The following CBX2 variants were observed in gnomAD, a reference collection of about 807,000 sequenced individuals.
CBX2 encodes the protein chromobox protein homolog 2.
In CBX2, 11 loss-of-function variants were observed where a neutral mutation model predicts 21.0. That is an observed-to-expected ratio of 0.52 (90% CI 0.33 to 0.87). The LOEUF is 0.87. CBX2 is among the 40% of genes least tolerant of loss of function. The pLI is 0.02. For missense variants in CBX2, 746 were observed against 724.3 expected, an observed-to-expected ratio of 1.03 and a Z score of -0.34; for synonymous variants, 364 against 304.6, an observed-to-expected ratio of 1.19 and a Z score of -2.03.
chr17:79,779,370 G>C lies in CBX2; in HGVS notation c.125G>C (p.Ser42Thr). The change falls in exon 3 of 5, where the codon AGC becomes ACC. Residue 42 changes from serine (S) to threonine (T), a missense_variant. Coordinates refer to ENST00000310942, the MANE Select transcript of CBX2 (RefSeq NM_005189.3). ...TGTCCTCTGCTTTGCAGACATAACAGCTGGGAGCCGGAGGAGAACATCCTG... is the reference window on the plus strand; with the variant it reads ...TGTCCTCTGCTTTGCAGACATAACACCTGGGAGCCGGAGGAGAACATCCTG... ...KWRGWSSKHNSWEPEENILDP... is the reference protein window; with the variant it reads ...KWRGWSSKHNTWEPEENILDP... 1.9e-6 allele frequency: 3 copies of C among 1,613,852 alleles called. No individual in the cohort carries two copies. Among genetic ancestry groups the C allele is most frequent in the East Asian group, 2.2e-5 (1 of 44,876 alleles).
rs1195409183 is a variant in CBX2, at chr17:79,785,789, G to A, written c.*747G>A. On this transcript the variant is annotated 3_prime_UTR_variant, in exon 5 of 5. Transcript: ENST00000310942. Reference sequence around the variant, plus strand: ...CCATAGCCCACAAGCCAGCGTGGGTGGGGCGGGGGTGGTCCCACAGCTGGG... The same window carrying A: ...CCATAGCCCACAAGCCAGCGTGGGTAGGGCGGGGGTGGTCCCACAGCTGGG... 5 of 152,498 alleles carry A rather than the reference G, an allele frequency of 3.3e-5. No individual in the cohort carries two copies. The highest frequency in any genetic ancestry group is 1.2e-4 in the African/African-American group (5 of 41,308). 9.4% of individuals were successfully genotyped at this position (152,498 alleles called of 1,614,324 possible).
upstream of CBX2, among the ~76,000 whole-genome samples, chr17:79,777,601 T>C (rs1200347091): frequency 6.6e-6 from 1 of 151,552 alleles, no homozygotes; most frequent in Non-Finnish European, 1.5e-5. Context: ...TTCCTTTCCT[T>C]CCCCAGCCCC....
At position 79,786,755 on chromosome 17, in the gene CBX2, C is replaced by T. The variant is rs1054058005; in HGVS notation, c.*1713C>T. 1 of 152,706 alleles carries T rather than the reference C, an allele frequency of 6.5e-6. No individual in the cohort carries two copies. Among genetic ancestry groups the T allele is most frequent in the Non-Finnish European group, 1.5e-5 (1 of 68,066 alleles). The allele number at this position is 152,706 out of a possible 1,614,324, so 9.5% of individuals were successfully genotyped here. A position where few individuals can be genotyped will look rare whatever the true frequency, so the allele number is the denominator to read the frequency against. ...AGGCACTCCTGATTCCATGGAGCAG[C>T]CCGGACTTTGAGAATGGGCTCTGGT... On this transcript the variant is annotated 3_prime_UTR_variant, in exon 5 of 5. Transcript: ENST00000310942.
chr17:79,781,156 G>A (rs1481958508), intron 3 of CBX2, among the ~76,000 whole-genome samples: 3 of 152,180 alleles, frequency 2.0e-5, no homozygotes, highest in Admixed American at 6.5e-5. Flanking sequence ...TTTAGGAACA[G>A]AGAGGTATTT....
intron 3 of CBX2, among the ~76,000 whole-genome samples, chr17:79,781,069 G>T (rs1368309249): frequency 1.3e-5 from 2 of 149,788 alleles, no homozygotes; most frequent in Non-Finnish European, 3.0e-5. Context: ...GGCGGGGGGG[G>T]TACTGCGAGT....
At position 79,786,903 on chromosome 17, in the gene CBX2, A is replaced by G. The variant is rs781016463; in HGVS notation, c.*1861A>G. ...ACAGTGTGCCTTTGGGGAGGGACCC[A>G]TGTCCATGGCTTCGTTGAGGGCCAT... On this transcript the variant is annotated 3_prime_UTR_variant, in exon 5 of 5. Coordinates refer to ENST00000310942, the MANE Select transcript of CBX2 (RefSeq NM_005189.3). 6.5e-6 allele frequency: 1 copy of G among 152,702 alleles called. No homozygotes were observed. The highest frequency in any genetic ancestry group is 6.5e-5 in the Admixed American group (1 of 15,286). 9.5% of individuals were successfully genotyped at this position (152,702 alleles called of 1,614,324 possible). A position where few individuals can be genotyped will look rare whatever the true frequency, so the allele number is the denominator to read the frequency against.
Position 79,778,692 on chromosome 17 carries a change from A to C in CBX2, c.116+265A>C, listed in dbSNP as rs1448955397. Reference sequence around the variant, plus strand: ...CGGCTGCCGCGCCGCGCTCCCCCCAACCCCCGTCCCGGCCGGGAGGGAGGC... The same window carrying C: ...CGGCTGCCGCGCCGCGCTCCCCCCACCCCCCGTCCCGGCCGGGAGGGAGGC... On this transcript the variant is annotated intron_variant, in intron 2 of 4. Coordinates refer to ENST00000310942, the MANE Select transcript of CBX2 (RefSeq NM_005189.3). This position sits in a 1 kb window ranked among gnomAD's most constrained non-coding sequence, Gnocchi z 4.8. Among the ~76,000 whole-genome samples the C allele has an allele frequency of 4.1e-5, 6 of 148,108 alleles. No individual in the cohort carries two copies. In the South Asian group the frequency reaches 1.3e-3, roughly 32 times the overall value.
At chr17:79,782,686 T>C (rs9896066) in intron 4 of CBX2, among the ~76,000 whole-genome samples, 8,057 of 152,098 alleles carry the variant, frequency 0.053, 763 homozygotes, top group African/African-American at 0.18. Flanking sequence ...TTGAGCAGGA[T>C]TGTGGGGGCT....
At chr17:79,782,228 C>T (rs1907278964) in intron 4 of CBX2, 2 of 1,595,518 alleles carry the variant, frequency 1.3e-6, no homozygotes, top group Non-Finnish European at 1.7e-6. Flanking sequence ...TGCGGGTGCA[C>T]CTTAAATCGA....
chr17:79,782,809 CG>C (rs1907333564), intron 4 of CBX2, among the ~76,000 whole-genome samples: 1 of 152,072 alleles, frequency 6.6e-6, no homozygotes, highest in African/African-American at 2.4e-5. Context: ...GGTAGGGAGG[CG>C]GTGTTGGATC....
chr17:79,783,799 C>G lies in CBX2; in HGVS notation c.356C>G (p.Ser119Cys). The G allele has an allele frequency of 6.3e-7, 1 of 1,586,750 alleles. No individual in the cohort carries two copies. Among genetic ancestry groups the G allele is most frequent in the Non-Finnish European group, 8.6e-7 (1 of 1,166,646 alleles). Residue 119 changes from serine (S) to cysteine (C), a missense_variant, in exon 5 of 5, where the codon TCC (serine) becomes TGC (cysteine). Physicochemically the swap from Ser to Cys is moderately radical, Grantham distance 112. This residue lies in a region of CBX2 where 701 missense variants were observed against 650.7 expected (regional missense o/e 1.08). Coordinates refer to ENST00000310942, the MANE Select transcript of CBX2 (RefSeq NM_005189.3). ...SSSSSTSSSSSSDEEDDSDLD... is the reference protein window; with the variant it reads ...SSSSSTSSSSCSDEEDDSDLD... ...TCTTCCTCCACGTCATCCTCCTCTT[C>G]CTCAGATGAAGAGGATGACAGTGAC...
Position 79,784,528 on chromosome 17 carries a change from A to G in CBX2, c.1085A>G (p.Lys362Arg). 2 of 1,612,652 alleles carry G rather than the reference A, an allele frequency of 1.2e-6. No homozygotes were observed. Among genetic ancestry groups the G allele is most frequent in the African/African-American group, 1.3e-5 (1 of 75,014 alleles). ...CAGGTCTTGGACTTGCAGAGTGTCAAGAATGGCATGCCCGGGGTGGGTCTC... is the reference window on the plus strand; with the variant it reads ...CAGGTCTTGGACTTGCAGAGTGTCAGGAATGGCATGCCCGGGGTGGGTCTC... ...SLQVLDLQSV[K>R]NGMPGVGLLA... The change falls in exon 5 of 5, where the codon AAG (lysine) becomes AGG (arginine). Residue 362 changes from lysine to arginine, a missense_variant. By Grantham distance (26) the Lys-to-Arg change is conservative. Coordinates refer to ENST00000310942, the MANE Select transcript of CBX2 (RefSeq NM_005189.3). This position sits in a 1 kb window ranked among gnomAD's most constrained non-coding sequence, Gnocchi z 5.9.
rs1461328171 is a variant in CBX2, at chr17:79,787,353, AT to A, written c.*2313del. On this transcript the variant is annotated 3_prime_UTR_variant, in exon 5 of 5. Coordinates refer to ENST00000310942, the MANE Select transcript of CBX2 (RefSeq NM_005189.3). ...AGCAGCCGGGTCTCTCCAGACCCTGATTCGGTGCCTTTCTGTTTACCAGCTA... is the reference window on the plus strand; with the variant it reads ...AGCAGCCGGGTCTCTCCAGACCCTGATCGGTGCCTTTCTGTTTACCAGCTA... 2 of 152,652 alleles carry A rather than the reference AT, an allele frequency of 1.3e-5. No homozygotes were observed. Among genetic ancestry groups the A allele is most frequent in the African/African-American group, 4.8e-5 (2 of 41,438 alleles). The allele number at this position is 152,652 out of a possible 1,614,324, so 9.5% of individuals were successfully genotyped here.
intron 3 of CBX2, among the ~76,000 whole-genome samples, chr17:79,780,507 C>T (rs57233462): frequency 6.6e-6 from 1 of 152,068 alleles, no homozygotes; most frequent in East Asian, 1.9e-4. Flanking sequence ...ATGGCTTGGC[C>T]CACTTCAGAG....
In CBX2 at chr17:79,783,991, C is replaced by T; in HGVS notation, c.548C>T (p.Ala183Val). 6.2e-7 allele frequency: 1 copy of T among 1,613,512 alleles called. No homozygotes were observed. The highest frequency in any genetic ancestry group is 1.1e-5 in the South Asian group (1 of 91,094). The change falls in exon 5 of 5, where the codon GCC becomes GTC. Residue 183 changes from alanine to valine, a missense_variant. By Grantham distance (64) the Ala-to-Val change is moderately conservative (BLOSUM62 0). Transcript: ENST00000310942. ...QKATRRPVSLAKVLKTARKDL... is the reference protein window; with the variant it reads ...QKATRRPVSLVKVLKTARKDL... ...GCAACCCGAAGACCCGTGAGCCTGGCCAAGGTGCTGAAGACCGCCCGGAAG... is the reference window on the plus strand; with the variant it reads ...GCAACCCGAAGACCCGTGAGCCTGGTCAAGGTGCTGAAGACCGCCCGGAAG...
rs180936463 is a variant in CBX2, at chr17:79,782,220, C to T, written c.288+419C>T. 8.3e-5 allele frequency: 133 copies of T among 1,601,934 alleles called. No individual in the cohort carries two copies. The highest frequency in any genetic ancestry group is 1.6e-4 in the East Asian group (7 of 44,460). On this transcript the variant is annotated intron_variant, in intron 4 of 4. Coordinates refer to ENST00000310942, the MANE Select transcript of CBX2 (RefSeq NM_005189.3). Reference sequence around the variant, plus strand: ...TTGGGGGCTACTCCGGGCCCACCTGCGGGTGCACCTTAAATCGAGGTGGCC... The same window carrying T: ...TTGGGGGCTACTCCGGGCCCACCTGTGGGTGCACCTTAAATCGAGGTGGCC...
At chr17:79,780,189 CCTGGATCCCCTGG>C (rs1907069285) in intron 3 of CBX2, among the ~76,000 whole-genome samples, 1 of 152,202 alleles carries the variant, frequency 6.6e-6, no homozygotes, top group Non-Finnish European at 1.5e-5. Flanking sequence ...GACGGCTCCC[CCTGGATCCCCTGG>C]CTGGACTTGC....
intron 4 of CBX2, chr17:79,782,168 G>A (rs1555830540): frequency 3.7e-6 from 6 of 1,612,566 alleles, no homozygotes; most frequent in Non-Finnish European, 4.2e-6. Context: ...AGGATTGCCG[G>A]CTGGATGTGA....
At position 79,785,195 on chromosome 17, in the gene CBX2, C is replaced by G. The variant is rs1408840205; in HGVS notation, c.*153C>G. On this transcript the variant is annotated 3_prime_UTR_variant, in exon 5 of 5. Coordinates refer to ENST00000310942, the MANE Select transcript of CBX2 (RefSeq NM_005189.3). The stretch of plus-strand genomic sequence containing the variant: ...TGATGGGCAGGCTTGGAAGGGACTT[C>G]TCCCGCACCCCACTCTGTCCCAGGA... 4.2e-5 allele frequency: 28 copies of G among 674,518 alleles called. No individual in the cohort carries two copies. The highest frequency in any genetic ancestry group is 6.5e-5 in the Non-Finnish European group (25 of 381,934). 41.8% of individuals were successfully genotyped at this position (674,518 alleles called of 1,614,324 possible). A position where few individuals can be genotyped will look rare whatever the true frequency, so the allele number is the denominator to read the frequency against.
Sources: allele counts gnomAD v4.1 joint callset (sites outside exome capture counted in the v4.1 genomes callset), GRCh38; gene constraint gnomAD v4.1.1; regional missense constraint gnomAD v4.1.1; non-coding constraint Gnocchi (gnomAD v3.1); transcripts MANE v1.5; gene names NCBI Gene and HGNC (gene_info 2026-07-23, HGNC 2026-07-21).